The following TAF1A variants were observed in gnomAD, a reference collection of about 807,000 sequenced individuals.
The protein encoded by TAF1A is TATA-box binding protein associated factor, RNA polymerase I subunit A.
Under a neutral mutation model 61.6 loss-of-function variants are expected in TAF1A, and 42 were observed. The ratio of observed to expected loss-of-function variants is 0.68; its 90% CI spans 0.53 to 0.88. The LOEUF (loss-of-function observed/expected upper bound fraction) is 0.88. TAF1A is among the 40% of genes least tolerant of loss of function. The probability of loss-of-function intolerance (pLI) is 0.00; values close to 1 mark genes in which losing one functional copy is unlikely to be tolerated. For synonymous variants in TAF1A, 179 were observed against 177.7 expected (o/e 1.01, Z -0.06); for missense variants, 424 against 518.7 (o/e 0.82, Z 1.77).
intron 1 of TAF1A, among the ~76,000 whole-genome samples, chr1:222,589,412 C>T (rs1661161534): frequency 6.6e-6 from 1 of 152,112 alleles, no homozygotes; most frequent in Non-Finnish European, 1.5e-5. Context: ...TGCATTATAC[C>T]CAGAGTAAAC....
chr1:222,579,793 C>T lies in TAF1A; in HGVS notation c.371G>A (p.Arg124Gln), dbSNP rs748921265. The T allele has an allele frequency of 3.1e-6, 5 of 1,611,026 alleles. No individual in the cohort carries two copies. Among genetic ancestry groups the T allele is most frequent in the South Asian group, 1.1e-5 (1 of 90,098 alleles). The change falls in exon 4 of 11, where the codon CGG becomes CAG. Residue 124 changes from arginine to glutamine, a missense_variant. Arg to Gln is a conservative substitution (Grantham distance 43). Transcript: ENST00000352967. ...ATTCATGACGCCAATATTTTTCATC[C>T]GGTTAGCAAAAGTATTGAAACTCTC... The part of the protein sequence containing the change: ...NMESFNTFAN[R>Q]MKNIGVMNYL...
intron 2 of TAF1A, among the ~76,000 whole-genome samples, chr1:222,584,774 A>G (rs1432532826): frequency 6.6e-6 from 1 of 152,240 alleles, no homozygotes; most frequent in Non-Finnish European, 1.5e-5. Context: ...AGATTAAAAC[A>G]GTTGCAAAAA....
intron 9 of TAF1A, 51 bp from the exon 10 acceptor site, chr1:222,561,569 T>C (rs1241274033): frequency 6.7e-7 from 1 of 1,503,324 alleles, no homozygotes; most frequent in Admixed American, 2.2e-5. Context: ...AACAAATCTA[T>C]ATTATCAGAA....
intron 2 of TAF1A, among the ~76,000 whole-genome samples, chr1:222,586,913 ATTTTCGGT>A (rs1426622947): frequency 6.6e-6 from 1 of 152,218 alleles, no homozygotes; most frequent in African/African-American, 2.4e-5. Flanking sequence ...GACCAAAAGT[ATTTTCGGT>A]TTAACAGGCT....
chr1:222,557,607 A>C (rs1328517989), downstream of TAF1A, among the ~76,000 whole-genome samples: 2 of 133,272 alleles, frequency 1.5e-5, no homozygotes, highest in Non-Finnish European at 3.3e-5. Flanking sequence ...CGCACCACCA[A>C]GCCCGGCTAA....
intron 5 of TAF1A, among the ~76,000 whole-genome samples, chr1:222,572,473 T>G (rs1571810902): frequency 6.6e-6 from 1 of 152,248 alleles, no homozygotes; most frequent in East Asian, 1.9e-4. Flanking sequence ...ACCTCTCACC[T>G]CAGCCACTCA....
rs1445160446 is a variant in TAF1A at position 222,561,398 on chromosome 1, C to T, written c.1206G>A (p.Glu402=). 2.5e-6 allele frequency: 4 copies of T among 1,608,354 alleles called. No homozygotes were observed. The highest frequency in any genetic ancestry group is 3.4e-6 in the Non-Finnish European group (4 of 1,177,952). ...ACAGTAAACCAGCCACAAAAGCTTT[C>T]TCACAGGCCAAAGCTGTATCTTCCT... The part of the protein sequence containing the change: ...DWKEDTALAC[E]KAFVAGLLLG... The change falls in exon 10 of 11, where the codon GAG becomes GAA. Residue 402 remains glutamate (E), a synonymous_variant. Transcript: ENST00000352967.
intron 3 of TAF1A, among the ~76,000 whole-genome samples, chr1:222,582,925 G>A (rs939085772): frequency 1.3e-5 from 2 of 152,194 alleles, no homozygotes; most frequent in African/African-American, 4.8e-5. Flanking sequence ...GCTCACGCTT[G>A]CAATACCAGC....
intron 3 of TAF1A, among the ~76,000 whole-genome samples, chr1:222,581,189 T>A (rs1397566615): frequency 6.6e-6 from 1 of 152,180 alleles, no homozygotes. Flanking sequence ...AAGCCCTAGG[T>A]GATCCAAAGA....
Position 222,570,584 on chromosome 1 carries a change from A to G in TAF1A, c.686T>C (p.Leu229Ser), listed in dbSNP as rs1402865814. Reference sequence around the variant, plus strand: ...GTCCCAAACTCCAGGAATTTTAATCAATGCAGAAATATTTGCAGATGTCTT... The same window carrying G: ...GTCCCAAACTCCAGGAATTTTAATCGATGCAGAAATATTTGCAGATGTCTT... Reference protein sequence around the residue: ...SWKTSANISALIKIPGVWDPF... With the variant: ...SWKTSANISASIKIPGVWDPF... The change falls in exon 6 of 11, where the codon TTG (leucine) becomes TCG (serine). Residue 229 changes from leucine to serine, a missense_variant. Physicochemically the swap from Leu to Ser is moderately radical, Grantham distance 145. Transcript: ENST00000352967. 6.2e-7 allele frequency: 1 copy of G among 1,612,814 alleles called. No individual in the cohort carries two copies. The highest frequency in any genetic ancestry group is 2.2e-5 in the East Asian group (1 of 44,818).
At chr1:222,562,985 A>G (rs1238054948) in intron 9 of TAF1A, among the ~76,000 whole-genome samples, 188 bp downstream of exon 9, 1 of 152,170 alleles carries the variant, frequency 6.6e-6, no homozygotes, top group Non-Finnish European at 1.5e-5. Context: ...AATTGATAGA[A>G]TTTTTGTATG....
chr1:222,570,093 T>G (rs1230730125), intron 6 of TAF1A, among the ~76,000 whole-genome samples: 2 of 152,232 alleles, frequency 1.3e-5, no homozygotes, highest in Non-Finnish European at 2.9e-5. Flanking sequence ...ATTTTGAAGA[T>G]TTATTCCTAG....
In TAF1A at chr1:222,588,259, T is replaced by C. The variant is rs1024065; in HGVS notation, c.121+184A>G. On this transcript the variant is annotated intron_variant, in intron 2 of 10. Transcript: ENST00000352967. Reference sequence around the variant, plus strand: ...AATGTGTATCTAGCATAATACAGACTATCTATTATTAATCCAAGGGCAAAG... The same window carrying C: ...AATGTGTATCTAGCATAATACAGACCATCTATTATTAATCCAAGGGCAAAG... Among the ~76,000 whole-genome samples the C allele has an allele frequency of 0.13, 20,140 of 152,166 alleles. 1,454 individuals are homozygous for C. The highest frequency in any genetic ancestry group is 0.2 in the Middle Eastern group (59 of 294).
chr1:222,556,066 C>G (rs920250312), downstream of TAF1A, among the ~76,000 whole-genome samples: 3 of 152,080 alleles, frequency 2.0e-5, no homozygotes, highest in African/African-American at 7.2e-5. Flanking sequence ...CAAGCAGAAT[C>G]TCATCAAGGT....
At chr1:222,570,408 T>C in intron 6 of TAF1A, 127 bp downstream of exon 6, 1 of 976,172 alleles carries the variant, frequency 1.0e-6, no homozygotes, top group Non-Finnish European at 1.4e-6. Flanking sequence ...AGAGACACCG[T>C]ATTTTTGCTT....
At chr1:222,561,638 C>T in intron 9 of TAF1A, 120 bp from the exon 10 acceptor site, 1 of 989,278 alleles carries the variant, frequency 1.0e-6, no homozygotes, top group Non-Finnish European at 1.4e-6. Context: ...AAGCTAAATT[C>T]TCAATATGGC....
At chr1:222,586,869 T>C (rs1295616776) in intron 2 of TAF1A, among the ~76,000 whole-genome samples, 1 of 152,230 alleles carries the variant, frequency 6.6e-6, no homozygotes, top group Non-Finnish European at 1.5e-5. Context: ...ACCAGCACAA[T>C]GTCAATATTA....
intron 3 of TAF1A, among the ~76,000 whole-genome samples, chr1:222,580,924 G>A (rs750714114): frequency 3.3e-5 from 5 of 152,098 alleles, no homozygotes; most frequent in Middle Eastern, 3.2e-3. Context: ...AGGCCGAGGC[G>A]GGTGGATCAC....
chr1:222,587,859 C>G (rs765718441), intron 2 of TAF1A, among the ~76,000 whole-genome samples: 13 of 152,090 alleles, frequency 8.5e-5, no homozygotes, highest in Non-Finnish European at 1.9e-4. Flanking sequence ...CAAGAACAGC[C>G]TGCCCAACAT....
Sources: allele counts gnomAD v4.1 joint callset (sites outside exome capture counted in the v4.1 genomes callset), GRCh38; gene constraint gnomAD v4.1.1; transcripts MANE v1.5; gene names NCBI Gene and HGNC (gene_info 2026-07-23, HGNC 2026-07-21).